Variants in CFAP263 observed in about 807,000 individuals in gnomAD.
CFAP263 encodes cilia and flagella associated protein 263.
chr16:58,249,948 A>T, the CFAP263 span: 2 of 1,068,220 alleles, frequency 1.9e-6, no homozygotes, highest in Non-Finnish European at 2.8e-6. Context: ...AGCCGGAGTG[A>T]CGCGTGGCCG....
chr16:58,253,955 C>G, the CFAP263 span: 2 of 1,611,102 alleles, frequency 1.2e-6, no homozygotes, highest in Non-Finnish European at 1.7e-6. Flanking sequence ...TGGTTCATTA[C>G]CAATTCCTCT....
At chr16:58,279,686 T>TG in the CFAP263 span, 4 of 1,549,092 alleles carry the variant, frequency 2.6e-6, no homozygotes, top group Non-Finnish European at 3.5e-6. Context: ...TTTTTTTTTT[T>TG]GCAGATGTCC....
the CFAP263 span, among the ~76,000 whole-genome samples, chr16:58,266,397 ATATATATATTTTTTTTTTTT>A: frequency 2.1e-4 from 9 of 43,410 alleles, no homozygotes; most frequent in South Asian, 8.8e-4. Context: ...ATATATATAT[ATATATATATTTTTTTTTTTT>A]TTTTTTTTTT....
chr16:58,258,591 T>G, the CFAP263 span: 1 of 1,472,598 alleles, frequency 6.8e-7, no homozygotes, highest in Non-Finnish European at 9.4e-7. Flanking sequence ...AAATCATCCA[T>G]GTGAAGCAGC....
the CFAP263 span, among the ~76,000 whole-genome samples, chr16:58,266,397 ATATATATATTTTTTTTTTTTT>A: frequency 3.5e-4 from 15 of 43,402 alleles, no homozygotes; most frequent in African/African-American, 1.0e-3. Flanking sequence ...ATATATATAT[ATATATATATTTTTTTTTTTTT>A]TTTTTTTTTT....
At chr16:58,262,825 CCTGA>C in the CFAP263 span, among the ~76,000 whole-genome samples, 9 of 75,582 alleles carry the variant, frequency 1.2e-4, no homozygotes, top group African/African-American at 5.0e-4. Flanking sequence ...TTAGTCTCAC[CCTGA>C]CTAATTGAAT....
At chr16:58,252,585 A>T in the CFAP263 span, 2 of 636,892 alleles carry the variant, frequency 3.1e-6, no homozygotes, top group Non-Finnish European at 2.7e-6. Context: ...GTTAAGTGCT[A>T]TTCTTAATAC....
At chr16:58,272,025 T>G in the CFAP263 span, among the ~76,000 whole-genome samples, 1 of 151,958 alleles carries the variant, frequency 6.6e-6, no homozygotes, top group Non-Finnish European at 1.5e-5. Context: ...AGATTTTTTT[T>G]TTTTTTTGAG....
the CFAP263 span, chr16:58,262,365 T>C: frequency 8.8e-6 from 14 of 1,586,172 alleles, no homozygotes; most frequent in Non-Finnish European, 1.0e-5. Flanking sequence ...CATCTTTTCT[T>C]TCATCTTTCT....
chr16:58,269,728 T>C, the CFAP263 span, among the ~76,000 whole-genome samples: 1 of 152,380 alleles, frequency 6.6e-6, no homozygotes, highest in African/African-American at 2.4e-5. Context: ...CATTCATCAG[T>C]TGGTGGACAT....
At chr16:58,283,303 A>G in the CFAP263 span, 1 of 152,214 alleles carries the variant, frequency 6.6e-6, no homozygotes, top group Non-Finnish European at 1.5e-5. Flanking sequence ...GGGACGGGTC[A>G]CCATTAAATG....
the CFAP263 span, chr16:58,280,768 A>C: frequency 6.3e-7 from 1 of 1,587,202 alleles, no homozygotes; most frequent in Non-Finnish European, 8.6e-7. Flanking sequence ...CTGTGATAAA[A>C]GACAGAAGGC....
the CFAP263 span, chr16:58,279,719 G>A: frequency 3.7e-6 from 6 of 1,610,548 alleles, no homozygotes; most frequent in African/African-American, 4.0e-5. Flanking sequence ...CGTAAGGCTT[G>A]GAATCGAATG....
the CFAP263 span, among the ~76,000 whole-genome samples, chr16:58,253,204 C>A: frequency 5.9e-5 from 9 of 152,054 alleles, no homozygotes; most frequent in African/African-American, 2.2e-4. Flanking sequence ...ATTGCAAGAC[C>A]CCATCTTTAC....
the CFAP263 span, chr16:58,282,259 C>T: frequency 6.6e-6 from 1 of 152,300 alleles, no homozygotes; most frequent in Non-Finnish European, 1.5e-5. Flanking sequence ...CCCGCCTCGG[C>T]CTCCCCAAGT....
At chr16:58,269,990 A>G in the CFAP263 span, among the ~76,000 whole-genome samples, 2 of 152,142 alleles carry the variant, frequency 1.3e-5, no homozygotes, top group Non-Finnish European at 2.9e-5. Context: ...GTTTTTGTAC[A>G]TCTTTGTTAT....
At chr16:58,279,739 A>G in the CFAP263 span, 1 of 1,612,882 alleles carries the variant, frequency 6.2e-7, no homozygotes, top group African/African-American at 1.3e-5. Context: ...GAAAATAACC[A>G]ATGAGCAGTT....
the CFAP263 span, among the ~76,000 whole-genome samples, chr16:58,272,318 A>G: frequency 2.0e-5 from 3 of 152,212 alleles, no homozygotes; most frequent in East Asian, 3.9e-4. Context: ...ACCCGGCCAG[A>G]TATTTGTTTT....
the CFAP263 span, chr16:58,249,945 G>A: frequency 9.6e-7 from 1 of 1,041,894 alleles, no homozygotes. Flanking sequence ...CGCAGCCGGA[G>A]TGACGCGTGG....
Sources: allele counts gnomAD v4.1 joint callset (sites outside exome capture counted in the v4.1 genomes callset), GRCh38; gene constraint gnomAD v4.1.1; transcripts MANE v1.5; gene names NCBI Gene and HGNC (gene_info 2026-07-23, HGNC 2026-07-21).